Variants in NAV3 observed in about 807,000 individuals in gnomAD.
NAV3 encodes neuron navigator 3, also known as pore membrane and/or filament interacting like protein 1.
Under a neutral mutation model 244.7 loss-of-function variants are expected in NAV3, and 87 were observed. That is an observed-to-expected ratio of 0.36 (90% CI 0.30 to 0.42). NAV3 has a LOEUF of 0.42. Among genes scored for constraint, NAV3 ranks in the 20% least tolerant of loss-of-function variants. The pLI is 1.00. For missense variants in NAV3, 2,663 were observed against 2,893.3 expected, an observed-to-expected ratio of 0.92 and a Z score of 1.83; for synonymous variants, 1,126 against 1,042.2, an observed-to-expected ratio of 1.08 and a Z score of -1.55.
At chr12:77,884,241 T>C (rs1013446695) in intron 1 of NAV3, among the ~76,000 whole-genome samples, 1 of 152,070 alleles carries the variant, frequency 6.6e-6, no homozygotes, top group Non-Finnish European at 1.5e-5. Flanking sequence ...GAATGATGGA[T>C]GGTTGGATGG....
In NAV3 at chr12:77,714,783, T is replaced by G. The variant is rs1406380765; in HGVS notation, c.72+142517T>G. On this transcript the variant is annotated intron_variant, in intron 2 of 8. Transcript: ENST00000550042. Reference sequence around the variant, plus strand: ...AAAGACATTTAATCTATTCCTTTTATACAGTATCTCTAACAATTTGGGAAT... The same window carrying G: ...AAAGACATTTAATCTATTCCTTTTAGACAGTATCTCTAACAATTTGGGAAT... 3.3e-5 allele frequency among the ~76,000 whole-genome samples: 5 copies of G among 152,270 alleles called. No individual in the cohort carries two copies. In the South Asian group the frequency reaches 6.2e-4, roughly 19 times the overall value.
chr12:77,789,426 G>A (rs1871067729), intron 2 of NAV3, among the ~76,000 whole-genome samples: 1 of 151,950 alleles, frequency 6.6e-6, no homozygotes, highest in Non-Finnish European at 1.5e-5. Flanking sequence ...CTAGGACAGG[G>A]GTGTCCAATT....
chr12:77,597,881 T>C (rs1870241152), intron 2 of NAV3, among the ~76,000 whole-genome samples: 1 of 152,002 alleles, frequency 6.6e-6, no homozygotes, highest in Non-Finnish European at 1.5e-5. Context: ...GTGGAGACAG[T>C]CTTAAAAAGG....
Position 78,099,592 on chromosome 12 carries a change from A to G in NAV3, c.2637-17180A>G, listed in dbSNP as rs941900076. On this transcript the variant is annotated intron_variant, in intron 12 of 39. Coordinates refer to ENST00000397909, the MANE Select transcript of NAV3 (RefSeq NM_001024383.2). ...TCAATGAATCCTGGAGTTAACTTTC[A>G]TGTGTGTCATATGTTATATTCTAAA... is the stretch of plus-strand genomic sequence containing the variant. 2.0e-5 allele frequency among the ~76,000 whole-genome samples: 3 copies of G among 151,884 alleles called. No individual in the cohort carries two copies. In the East Asian group the frequency reaches 5.8e-4, roughly 29 times the overall value.
intron 23 of NAV3, among the ~76,000 whole-genome samples, chr12:78,165,962 C>T (rs1476149817): frequency 9.1e-6 from 1 of 109,386 alleles, no homozygotes; most frequent in Non-Finnish European, 2.0e-5. Flanking sequence ...ATCAGACACC[C>T]TCCTGCAAAA....
chr12:78,042,774 G>A (rs28633406), intron 9 of NAV3, among the ~76,000 whole-genome samples: 1,576 of 152,204 alleles, frequency 0.01, 34 homozygotes, highest in African/African-American at 0.036. Flanking sequence ...GAGCAAAAGA[G>A]TGAGACTCTG....
At chr12:78,017,964 C>T (rs536339349) in intron 8 of NAV3, among the ~76,000 whole-genome samples, 1 of 152,120 alleles carries the variant, frequency 6.6e-6, no homozygotes, top group African/African-American at 2.4e-5. Flanking sequence ...AAACGGATGG[C>T]TTGTAACATC....
At chr12:77,629,873 G>A (rs1458426493) in intron 2 of NAV3, among the ~76,000 whole-genome samples, 8 of 152,106 alleles carry the variant, frequency 5.3e-5, no homozygotes, top group Non-Finnish European at 1.0e-4. Flanking sequence ...TAGGTTGGAC[G>A]AATCCATAAA....
intron 2 of NAV3, among the ~76,000 whole-genome samples, chr12:77,611,605 T>A (rs1004397451): frequency 8.6e-5 from 13 of 151,890 alleles, no homozygotes; most frequent in African/African-American, 3.1e-4. Flanking sequence ...GAAGCAACTA[T>A]AGTTAACAGG....
chr12:77,891,557 C>T (rs890038736), intron 1 of NAV3, among the ~76,000 whole-genome samples: 1 of 151,940 alleles, frequency 6.6e-6, no homozygotes, highest in Non-Finnish European at 1.5e-5. Flanking sequence ...AAATAACGTT[C>T]CAGTCCTATT....
rs137980071 is a variant in NAV3 at position 77,763,046 on chromosome 12, A to G, written c.73-177273A>G. Among the ~76,000 whole-genome samples the G allele has an allele frequency of 8.1e-4, 123 of 152,234 alleles. 1 individual carries two copies. The highest frequency in any genetic ancestry group is 2.7e-3 in the African/African-American group (111 of 41,542). On this transcript the variant is annotated intron_variant, in intron 2 of 8. Transcript: ENST00000550042. ...TTAGAGCATGAACATAGAATAACAC[A>G]TTTTCCAACCATATCTTGAACTTTT...
At chr12:77,642,724 G>C (rs1043785561) in intron 2 of NAV3, among the ~76,000 whole-genome samples, 1 of 151,956 alleles carries the variant, frequency 6.6e-6, no homozygotes, top group African/African-American at 2.4e-5. Flanking sequence ...AGATGCAGTT[G>C]ACAAAGAAAT....
intron 5 of NAV3, among the ~76,000 whole-genome samples, chr12:77,978,547 CAAA>C (rs1868928303): frequency 6.6e-6 from 1 of 151,850 alleles, no homozygotes; most frequent in Non-Finnish European, 1.5e-5. Flanking sequence ...AGACTAACAT[CAAA>C]AAGTTAACAT....
intron 1 of NAV3, among the ~76,000 whole-genome samples, chr12:77,870,526 A>T (rs568796399): frequency 2.6e-5 from 4 of 152,272 alleles, no homozygotes; most frequent in African/African-American, 9.6e-5. Flanking sequence ...GACATTTAGG[A>T]ATCGGGATAA....
chr12:78,211,034 C>T lies in NAV3; in HGVS notation c.*517C>T, dbSNP rs1477681964. On this transcript the variant is annotated 3_prime_UTR_variant, in exon 40 of 40. Transcript: ENST00000397909. The stretch of plus-strand genomic sequence containing the variant: ...TCCAGAACAAATCCAAGAGGCCAGT[C>T]CTCCATAAGCACAAATGGAATTGTG... 2 of 153,004 alleles carry T rather than the reference C, an allele frequency of 1.3e-5. No homozygotes were observed. Among genetic ancestry groups the T allele is most frequent in the Admixed American group, 6.5e-5 (1 of 15,298 alleles). The allele number at this position is 153,004 out of a possible 1,614,324, so 9.5% of individuals were successfully genotyped here.
chr12:78,167,163 CA>C (rs754858252), intron 23 of NAV3, among the ~76,000 whole-genome samples: 3 of 151,566 alleles, frequency 2.0e-5, no homozygotes, highest in Non-Finnish European at 4.4e-5. Flanking sequence ...TGGCAGTGGA[CA>C]GAATATAAAA....
intron 8 of NAV3, among the ~76,000 whole-genome samples, chr12:78,008,354 G>T (rs74398310): frequency 0.014 from 2,180 of 152,006 alleles, 24 homozygotes; most frequent in Non-Finnish European, 0.022. Context: ...CCATCCAAAT[G>T]GTAAAGACAA....
chr12:77,990,732 A>T (rs971752421), intron 5 of NAV3, among the ~76,000 whole-genome samples: 1 of 152,172 alleles, frequency 6.6e-6, no homozygotes, highest in Non-Finnish European at 1.5e-5. Context: ...TGTTTATTTG[A>T]GTCAGAATTC....
rs1040424891 is a variant in NAV3, at chr12:78,007,339, G to A, written c.1801G>A (p.Val601Met). ...TCCTTCTGGTTCCTGTACCATGACA[G>A]TGGCACAAAGCAGTGGGCAGAGCAC... ...ASPSGSCTMT[V>M]AQSSGQSTGN... is the part of the protein sequence containing the mutation. The change falls in exon 8 of 40, where the codon GTG becomes ATG. Residue 601 changes from valine to methionine, a missense_variant. Val to Met is a conservative substitution (Grantham distance 21, BLOSUM62 1). Transcript: ENST00000397909. 1.2e-6 allele frequency: 2 copies of A among 1,614,210 alleles called. No individual in the cohort carries two copies. Among genetic ancestry groups the A allele is most frequent in the Non-Finnish European group, 8.5e-7 (1 of 1,180,036 alleles).
Sources: allele counts gnomAD v4.1 joint callset (sites outside exome capture counted in the v4.1 genomes callset), GRCh38; gene constraint gnomAD v4.1.1; transcripts MANE v1.5; gene names NCBI Gene and HGNC (gene_info 2026-07-23, HGNC 2026-07-21).